Variants in CFAP61 observed in about 807,000 individuals in gnomAD.
CFAP61 encodes the protein cilia and flagella associated protein 61, also known as cilia- and flagella-associated protein 61.
In CFAP61, 107 loss-of-function variants were observed where a neutral mutation model predicts 135.6. That is an observed-to-expected ratio of 0.79 (90% CI 0.67 to 0.93). The LOEUF is 0.93. Among genes scored for constraint, CFAP61 ranks in the 40% least tolerant of loss-of-function variants. The pLI is 0.00. For missense variants in CFAP61, 1,507 were observed against 1,556.2 expected, an observed-to-expected ratio of 0.97 and a Z score of 0.53; for synonymous variants, 575 against 578.5, an observed-to-expected ratio of 0.99 and a Z score of 0.09.
At chr20:20,212,566 CAA>C (rs1406993292) in intron 17 of CFAP61, among the ~76,000 whole-genome samples, 2 of 152,132 alleles carry the variant, frequency 1.3e-5, no homozygotes, top group African/African-American at 4.8e-5. Flanking sequence ...CTACCCCCAC[CAA>C]ACCATGTTTC....
intron 26 of CFAP61, among the ~76,000 whole-genome samples, chr20:20,348,812 A>AC (rs1569323037): frequency 6.6e-6 from 1 of 151,616 alleles, no homozygotes; most frequent in African/African-American, 2.4e-5. Flanking sequence ...AAAAAAAAAA[A>AC]CAAACTGTCA....
intron 8 of CFAP61, among the ~76,000 whole-genome samples, chr20:20,131,253 G>A (rs1401053648): frequency 6.7e-6 from 1 of 149,014 alleles, no homozygotes; most frequent in African/African-American, 2.6e-5. Context: ...GGGGAGTAAA[G>A]CCAGCTTGCT....
chr20:20,293,088 T>C (rs1437529088), intron 24 of CFAP61, among the ~76,000 whole-genome samples: 3 of 152,324 alleles, frequency 2.0e-5, no homozygotes, highest in Admixed American at 2.0e-4. Context: ...CTAAGCACTT[T>C]GATCATCACA....
intron 2 of CFAP61, among the ~76,000 whole-genome samples, chr20:20,060,965 A>G (rs368479460): frequency 3.3e-5 from 5 of 152,206 alleles, no homozygotes; most frequent in Admixed American, 2.0e-4. Flanking sequence ...CACTGCTGCC[A>G]TTTGATAGCC....
chr20:20,090,791 G>A, intron 6 of CFAP61, 53 bp from the exon 7 acceptor site: 1 of 1,598,794 alleles, frequency 6.3e-7, no homozygotes, highest in South Asian at 1.1e-5. Flanking sequence ...GTGCCCTGTT[G>A]AAGGAAAAAA....
At chr20:20,088,099 T>C (rs898699163) in intron 6 of CFAP61, among the ~76,000 whole-genome samples, 1 of 152,196 alleles carries the variant, frequency 6.6e-6, no homozygotes, top group Admixed American at 6.5e-5. Flanking sequence ...ATGGTTGACA[T>C]TTGTTTCTGG....
chr20:20,330,495 C>G (rs1477468185), intron 25 of CFAP61, among the ~76,000 whole-genome samples: 2 of 152,086 alleles, frequency 1.3e-5, no homozygotes, highest in African/African-American at 4.8e-5. Context: ...GACACCCCAC[C>G]CAGCTAATTT....
chr20:20,355,843 G>A (rs1291532105), intron 26 of CFAP61, among the ~76,000 whole-genome samples: 8 of 145,186 alleles, frequency 5.5e-5, no homozygotes, highest in East Asian at 2.1e-4. Flanking sequence ...TGTGAGGGGA[G>A]GTGGTCACAC....
chr20:20,251,917 G>A (rs928680681), intron 20 of CFAP61, among the ~76,000 whole-genome samples, 154 bp downstream of exon 20: 9 of 152,146 alleles, frequency 5.9e-5, no homozygotes, highest in Non-Finnish European at 1.2e-4. Flanking sequence ...TTCAGGGCCC[G>A]CACACATAAC....
chr20:20,349,487 T>G lies in CFAP61; in HGVS notation c.3513+7566T>G, dbSNP rs1487517129. 3.3e-5 allele frequency among the ~76,000 whole-genome samples: 5 copies of G among 152,318 alleles called. No homozygotes were observed. The East Asian group carries it at 9.6e-4, about 29-fold the overall frequency. On this transcript the variant is annotated intron_variant, in intron 26 of 26. Transcript: ENST00000245957. ...CACGAGGACAGCAGCAAGCCATTCA[T>G]GAGGGATCCTCCCTAAGACCCAAAC... is the stretch of plus-strand genomic sequence containing the variant.
At chr20:20,152,402 ATGTTC>A (rs552647299) in intron 9 of CFAP61, among the ~76,000 whole-genome samples, 173 of 152,304 alleles carry the variant, frequency 1.1e-3, no homozygotes, top group African/African-American at 4.1e-3. Context: ...AATGGTGTAA[ATGTTC>A]CACTTAAAAG....
At chr20:20,338,553 A>G (rs899406573) in intron 25 of CFAP61, among the ~76,000 whole-genome samples, 3 of 152,246 alleles carry the variant, frequency 2.0e-5, no homozygotes, top group Admixed American at 6.5e-5. Flanking sequence ...CGCTGTGCCA[A>G]TGCTGGAAAG....
At chr20:20,225,599 T>C (rs1480036401) in intron 17 of CFAP61, 1 of 152,210 alleles carries the variant, frequency 6.6e-6, no homozygotes, top group Non-Finnish European at 1.5e-5. Flanking sequence ...GGTATAATTC[T>C]TTACTGGAGA....
chr20:20,089,300 C>G (rs2047015130), intron 6 of CFAP61, among the ~76,000 whole-genome samples: 1 of 152,114 alleles, frequency 6.6e-6, no homozygotes, highest in African/African-American at 2.4e-5. Flanking sequence ...TCTCCTCCCT[C>G]TGCAAAGTGA....
At chr20:20,117,365 A>AAAATAAAT (rs61453815) in intron 8 of CFAP61, among the ~76,000 whole-genome samples, 86 of 151,452 alleles carry the variant, frequency 5.7e-4, no homozygotes, top group Middle Eastern at 3.4e-3. Context: ...TAATAAGTTA[A>AAAATAAAT]AAATAAATAA....
At chr20:20,296,316 CTCCT>C (rs1250481031) in intron 24 of CFAP61, among the ~76,000 whole-genome samples, 41 of 36,126 alleles carry the variant, frequency 1.1e-3, no homozygotes, top group African/African-American at 2.4e-3. Flanking sequence ...CCTTCCTTCC[CTCCT>C]TCCTTCCCTT....
At position 20,061,034 on chromosome 20, in the gene CFAP61, A is replaced by G. The variant is rs115364105; in HGVS notation, c.143+4238A>G. On this transcript the variant is annotated intron_variant, in intron 2 of 26. Transcript: ENST00000245957. The stretch of plus-strand genomic sequence containing the variant: ...CAGGCAGCCCACAGAACCATGAGAG[A>G]TAATAATTGCTACTTAAAGCCACTG... Among the ~76,000 whole-genome samples, 929 of 152,354 alleles carry G rather than the reference A, an allele frequency of 6.1e-3. 7 individuals carry two copies. The highest frequency in any genetic ancestry group is 0.022 in the African/African-American group (897 of 41,596).
chr20:20,075,073 C>A, intron 4 of CFAP61, 116 bp from the exon 5 acceptor site: 2 of 905,122 alleles, frequency 2.2e-6, no homozygotes, highest in Non-Finnish European at 3.7e-6. Flanking sequence ...AGCAAAGGAG[C>A]CCATGTGGAT....
At chr20:20,182,026 G>C (rs1280411299) in intron 13 of CFAP61, among the ~76,000 whole-genome samples, 1 of 152,208 alleles carries the variant, frequency 6.6e-6, no homozygotes, top group Non-Finnish European at 1.5e-5. Flanking sequence ...ATCTTCTGAA[G>C]TCCTGCCAGG....
Sources: allele counts gnomAD v4.1 joint callset (sites outside exome capture counted in the v4.1 genomes callset), GRCh38; gene constraint gnomAD v4.1.1; transcripts MANE v1.5; gene names NCBI Gene and HGNC (gene_info 2026-07-23, HGNC 2026-07-21).